Variants in ADSS2 observed in about 807,000 individuals in gnomAD.
ADSS2 encodes adenylosuccinate synthase 2, also known as adenylosuccinate synthetase isozyme 2.
A neutral mutation model predicts 60.0 loss-of-function variants in ADSS2; 30 were observed. That is an observed-to-expected ratio of 0.50 (90% CI 0.37 to 0.68). The LOEUF (loss-of-function observed/expected upper bound fraction) is 0.68, where lower values mean the gene tolerates loss of function less well. Ranked by LOEUF, ADSS2 falls within the 30% of genes least tolerant of loss-of-function variation. The pLI, the probability that ADSS2 is intolerant of heterozygous loss-of-function variation, is 0.00. For missense variants in ADSS2, 373 were observed against 554.8 expected, an observed-to-expected ratio of 0.67 and a Z score of 3.29; for synonymous variants, 187 against 193.1, an observed-to-expected ratio of 0.97 and a Z score of 0.26.
intron 1 of ADSS2, among the ~76,000 whole-genome samples, chr1:244,439,160 G>A (rs980770748): frequency 1.6e-4 from 25 of 152,192 alleles, no homozygotes; most frequent in African/African-American, 5.5e-4. Flanking sequence ...TTGTCTTTCT[G>A]TGCTTGGCTT....
chr1:244,427,532 A>T (rs990266870), intron 4 of ADSS2, among the ~76,000 whole-genome samples: 1 of 152,174 alleles, frequency 6.6e-6, no homozygotes, highest in East Asian at 1.9e-4. Context: ...AATTGTCACA[A>T]TGAATAAAAT....
chr1:244,444,342 C>A (rs1263278848), intron 1 of ADSS2, among the ~76,000 whole-genome samples: 1 of 146,698 alleles, frequency 6.8e-6, no homozygotes, highest in Non-Finnish European at 1.5e-5. Context: ...GGTGAAACCC[C>A]GTCTCTACTA....
In ADSS2 at chr1:244,449,899, G is replaced by A. The variant is rs547489178; in HGVS notation, c.183+1736C>T. Among the ~76,000 whole-genome samples, 73 of 152,066 alleles carry A rather than the reference G, an allele frequency of 4.8e-4. 1 individual carries two copies. The South Asian group carries it at 7.5e-3, about 16-fold the overall frequency. The stretch of plus-strand genomic sequence containing the variant: ...TCCATGACTTCAAGACTACTTTCTC[G>A]GTAACATTAGTAACACCTTCTCCAA... On this transcript the variant is annotated intron_variant, in intron 1 of 12. Transcript: ENST00000366535.
Position 244,417,635 on chromosome 1 carries a change from A to G in ADSS2, c.1063T>C (p.Phe355Leu). ...LLKYAHMING[F>L]TALALTKLDI... ...TTTCTGAAGAATACTCACGCAGTAA[A>G]TCCATTGATCATATGAGCATATTTG... Residue 355 changes from phenylalanine to leucine, a missense_variant, in exon 10 of 13, where the codon TTT becomes CTT. Transcript: ENST00000366535. 6.2e-7 allele frequency: 1 copy of G among 1,611,952 alleles called. No homozygotes were observed. Among genetic ancestry groups the G allele is most frequent in the Non-Finnish European group, 8.5e-7 (1 of 1,179,776 alleles).
intron 4 of ADSS2, 76 bp downstream of exon 4, chr1:244,432,469 T>C (rs1444480340): frequency 2.8e-6 from 3 of 1,082,458 alleles, no homozygotes; most frequent in African/African-American, 1.6e-5. Flanking sequence ...AAGACAAAAT[T>C]AGTTACTAAA....
chr1:244,419,011 G>T (rs1664613106), intron 8 of ADSS2, 97 bp from the exon 9 acceptor site: 4 of 1,143,062 alleles, frequency 3.5e-6, no homozygotes, highest in Non-Finnish European at 4.9e-6. Context: ...GTATATTATA[G>T]GTATCTAACA....
At chr1:244,422,171 T>G (rs1320903242) in intron 7 of ADSS2, among the ~76,000 whole-genome samples, 3 of 152,208 alleles carry the variant, frequency 2.0e-5, no homozygotes, top group African/African-American at 7.2e-5. Flanking sequence ...ATGAGGTTTG[T>G]AGATTCCTAC....
chr1:244,408,615 C>T lies in ADSS2; in HGVS notation c.*971G>A, dbSNP rs527766409. ...GATAATCTACAAAACAATGTTATGCCTAATTGTCAAAATAACACCTTTTTT... is the reference window on the plus strand; with the variant it reads ...GATAATCTACAAAACAATGTTATGCTTAATTGTCAAAATAACACCTTTTTT... On this transcript the variant is annotated 3_prime_UTR_variant, in exon 13 of 13. Transcript: ENST00000366535. 6.6e-6 allele frequency: 1 copy of T among 151,096 alleles called. No individual in the cohort carries two copies. Among genetic ancestry groups the T allele is most frequent in the East Asian group, 1.9e-4 (1 of 5,156 alleles). The allele number at this position is 151,096 out of a possible 1,614,324, so 9.4% of individuals were successfully genotyped here.
chr1:244,414,950 C>T (rs1283072243), intron 11 of ADSS2, among the ~76,000 whole-genome samples: 1 of 152,258 alleles, frequency 6.6e-6, no homozygotes, highest in East Asian at 1.9e-4. Context: ...AGTCCCTCTG[C>T]TTCTTTCATA....
In ADSS2 at chr1:244,451,613, A is replaced by G. The variant is rs1213269348; in HGVS notation, c.183+22T>C. 1 of 1,594,834 alleles carries G rather than the reference A, an allele frequency of 6.3e-7. No homozygotes were observed. The highest frequency in any genetic ancestry group is 1.3e-5 in the African/African-American group (1 of 74,388). On this transcript the variant is annotated intron_variant, in intron 1 of 12. Transcript: ENST00000366535. The surrounding 1 kb of genome is among the most constrained non-coding windows in gnomAD (Gnocchi z 6.6). Reference sequence around the variant, plus strand: ...CCCGAGCTCCCGGGCCCGGCTTCCCATGAGAGGCCCCGTCGCCTCACCTGG... The same window carrying G: ...CCCGAGCTCCCGGGCCCGGCTTCCCGTGAGAGGCCCCGTCGCCTCACCTGG...
At chr1:244,433,521 G>A (rs1055418984) in intron 3 of ADSS2, among the ~76,000 whole-genome samples, 2 of 152,164 alleles carry the variant, frequency 1.3e-5, no homozygotes, top group African/African-American at 4.8e-5. Flanking sequence ...TTTGCCAGAA[G>A]GGAGTTAATT....
At chr1:244,432,179 G>C (rs1376610769) in intron 4 of ADSS2, among the ~76,000 whole-genome samples, 2 of 152,088 alleles carry the variant, frequency 1.3e-5, no homozygotes, top group Admixed American at 1.3e-4. Context: ...CTACATTTTA[G>C]GCACAAAGAG....
At chr1:244,444,498 G>C (rs1665333917) in intron 1 of ADSS2, among the ~76,000 whole-genome samples, 1 of 69,770 alleles carries the variant, frequency 1.4e-5, no homozygotes, top group Non-Finnish European at 2.8e-5. Context: ...CTGGGCGACA[G>C]AGCGAGACTC....
At chr1:244,432,404 T>C (rs1664965933) in intron 4 of ADSS2, 141 bp downstream of exon 4, 2 of 580,538 alleles carry the variant, frequency 3.4e-6, no homozygotes, top group African/African-American at 4.0e-5. Flanking sequence ...TAAGTATTTT[T>C]TGTATTTAGA....
At position 244,451,909 on chromosome 1, in the gene ADSS2, G is replaced by A; in HGVS notation, c.-92C>T. 1 of 1,318,068 alleles carries A rather than the reference G, an allele frequency of 7.6e-7. No individual in the cohort carries two copies. Among genetic ancestry groups the A allele is most frequent in the Non-Finnish European group, 1.0e-6 (1 of 1,003,738 alleles). 81.6% of individuals were successfully genotyped at this position (1,318,068 alleles called of 1,614,324 possible). ...TCTGCGGCCGCCAGCCACATGCAGA[G>A]GAAGAAGGAGCCAGAGGCCGGCCCC... On this transcript the variant is annotated 5_prime_UTR_variant, in exon 1 of 13. Transcript: ENST00000366535. This position sits in a 1 kb window ranked among gnomAD's most constrained non-coding sequence, Gnocchi z 6.6.
intron 6 of ADSS2, among the ~76,000 whole-genome samples, 175 bp downstream of exon 6, chr1:244,423,775 TTAA>T (rs1230004282): frequency 6.6e-6 from 1 of 152,196 alleles, no homozygotes; most frequent in African/African-American, 2.4e-5. Context: ...TTTCATGAAG[TTAA>T]TCTGTAACCA....
rs754028145 is a variant in ADSS2 at position 244,451,585 on chromosome 1, C to T, written c.183+50G>A. The stretch of plus-strand genomic sequence containing the variant: ...GAGTTCCCGGGCACCAGGAGCCAGG[C>T]AGCCCGAGCTCCCGGGCCCGGCTTC... On this transcript the variant is annotated intron_variant, in intron 1 of 12. Transcript: ENST00000366535. The surrounding 1 kb of genome is among the most constrained non-coding windows in gnomAD (Gnocchi z 6.6). 14 of 1,546,326 alleles carry T rather than the reference C, an allele frequency of 9.1e-6. No homozygotes were observed. The South Asian group carries it at 9.6e-5, about 11-fold the overall frequency.
At chr1:244,415,767 T>C (rs1027430300) in intron 11 of ADSS2, among the ~76,000 whole-genome samples, 1 of 151,584 alleles carries the variant, frequency 6.6e-6, no homozygotes, top group Non-Finnish European at 1.5e-5. Context: ...TGTTTTTTCT[T>C]TTGAGTTTGA....
intron 1 of ADSS2, among the ~76,000 whole-genome samples, chr1:244,441,810 G>C (rs1347155912): frequency 6.6e-6 from 1 of 151,970 alleles, no homozygotes; most frequent in Non-Finnish European, 1.5e-5. Context: ...CAAAAAATTA[G>C]CCAGGCGTGG....
Sources: gnomAD v4.1 joint callset for allele counts (sites outside exome capture counted in the v4.1 genomes callset) on GRCh38, gnomAD v4.1.1 for gene constraint, Gnocchi (gnomAD v3.1) non-coding constraint, MANE v1.5 for transcripts, NCBI Gene and HGNC (gene_info 2026-07-23, HGNC 2026-07-21) for gene names.